The following ABCA13 variants were observed in gnomAD, a reference collection of about 807,000 sequenced individuals.
ABCA13 encodes ATP binding cassette subfamily A member 13.
In ABCA13, 476 loss-of-function variants were observed where a neutral mutation model predicts 478.7. That is an observed-to-expected ratio of 0.99 (90% CI 0.92 to 1.07). The LOEUF is 1.07. Ranked by LOEUF, ABCA13 falls within the 50% of genes least tolerant of loss-of-function variation. ABCA13 has a pLI of 0.00. For missense variants in ABCA13, 6,060 were observed against 5,910.6 expected (o/e 1.03, Z -0.83); for synonymous variants, 2,252 against 2,158.9 (o/e 1.04, Z -1.20).
At chr7:48,321,828 T>C (rs1276177337) in intron 27 of ABCA13, among the ~76,000 whole-genome samples, 2 of 152,132 alleles carry the variant, frequency 1.3e-5, no homozygotes, top group Admixed American at 6.5e-5. Context: ...CCAGGTAAGA[T>C]GTGGGCTGGG....
chr7:48,470,832 A>C (rs1436666959), intron 44 of ABCA13, among the ~76,000 whole-genome samples: 1 of 152,208 alleles, frequency 6.6e-6, no homozygotes, highest in East Asian at 1.9e-4. Context: ...GGTGGTAAAA[A>C]TATCTAGCCG....
intron 55 of ABCA13, among the ~76,000 whole-genome samples, chr7:48,535,471 T>C (rs1197332625): frequency 6.6e-6 from 1 of 152,168 alleles, no homozygotes; most frequent in Non-Finnish European, 1.5e-5. Context: ...GTGTGCTGGT[T>C]TTGCATTGGT....
chr7:48,523,565 T>A (rs1372115453), intron 53 of ABCA13, among the ~76,000 whole-genome samples: 1 of 151,770 alleles, frequency 6.6e-6, no homozygotes, highest in Admixed American at 6.6e-5. Context: ...AATATAATCA[T>A]TAAATATATT....
intron 58 of ABCA13, among the ~76,000 whole-genome samples, chr7:48,597,157 AG>A (rs1790381726): frequency 6.6e-6 from 1 of 151,978 alleles, no homozygotes; most frequent in African/African-American, 2.4e-5. Flanking sequence ...TCACCGTGTT[AG>A]CCAGGATGGT....
chr7:48,637,733 G>T (rs1439791422), intron 59 of ABCA13, among the ~76,000 whole-genome samples: 1 of 152,066 alleles, frequency 6.6e-6, no homozygotes, highest in Non-Finnish European at 1.5e-5. Flanking sequence ...CTTGGCTATT[G>T]TTCCTTACTT....
intron 29 of ABCA13, among the ~76,000 whole-genome samples, chr7:48,343,529 G>C (rs1025525421): frequency 7.2e-5 from 11 of 152,038 alleles, no homozygotes; most frequent in African/African-American, 2.7e-4. Flanking sequence ...CTTTTCTCTT[G>C]CATCTCTGAC....
intron 53 of ABCA13, among the ~76,000 whole-genome samples, chr7:48,520,760 T>C (rs1406847932): frequency 6.6e-6 from 1 of 152,200 alleles, no homozygotes; most frequent in African/African-American, 2.4e-5. Context: ...TGTCCAAGTG[T>C]TCTCATTGTT....
chr7:48,282,073 A>C (rs1424343054), intron 19 of ABCA13, among the ~76,000 whole-genome samples: 1 of 152,156 alleles, frequency 6.6e-6, no homozygotes, highest in Non-Finnish European at 1.5e-5. Flanking sequence ...CTCTTGCTAA[A>C]TTCTGTGTCT....
intron 55 of ABCA13, among the ~76,000 whole-genome samples, chr7:48,534,577 C>G (rs1274109632): frequency 6.6e-6 from 1 of 152,092 alleles, no homozygotes; most frequent in Non-Finnish European, 1.5e-5. Context: ...GGAAGTTTTT[C>G]TTGATTATTC....
intron 41 of ABCA13, among the ~76,000 whole-genome samples, chr7:48,418,745 C>G (rs1402512711): frequency 1.2e-4 from 19 of 152,164 alleles, no homozygotes; most frequent in Admixed American, 1.2e-3. Context: ...ATCCAAAACA[C>G]ATATGCAGTG....
chr7:48,287,896 T>G, intron 19 of ABCA13, 64 bp from the exon 20 acceptor site: 15 of 1,220,462 alleles, frequency 1.2e-5, no homozygotes, highest in South Asian at 2.6e-5. Flanking sequence ...AGTGATTTTG[T>G]GAGAGTGGCT....
chr7:48,282,416 T>C (rs1797173671), intron 19 of ABCA13, among the ~76,000 whole-genome samples: 1 of 152,220 alleles, frequency 6.6e-6, no homozygotes, highest in Non-Finnish European at 1.5e-5. Context: ...AGTGGGCTAC[T>C]GGGCCTGAGT....
At chr7:48,577,253 A>G (rs1788271135) in intron 55 of ABCA13, among the ~76,000 whole-genome samples, 1 of 147,794 alleles carries the variant, frequency 6.8e-6, no homozygotes. Flanking sequence ...ATAAAATTAT[A>G]AAAAGGAAAA....
Position 48,327,882 on chromosome 7 carries a change from G to A in ABCA13, c.10000-7540G>A, listed in dbSNP as rs571148523. Among the ~76,000 whole-genome samples the A allele has an allele frequency of 2.0e-4, 30 of 152,296 alleles. 1 individual carries two copies. Among genetic ancestry groups the A allele is most frequent in the Admixed American group, 1.4e-3 (21 of 15,298 alleles). ...TCACCTTTGGGAGGATGAGAATGAAGTAATACAGTTTAAAGATATTTATTT... is the reference window on the plus strand; with the variant it reads ...TCACCTTTGGGAGGATGAGAATGAAATAATACAGTTTAAAGATATTTATTT... On this transcript the variant is annotated intron_variant, in intron 27 of 61. Coordinates refer to ENST00000435803, the MANE Select transcript of ABCA13 (RefSeq NM_152701.5).
chr7:48,526,724 G>A (rs1341676510), intron 54 of ABCA13, among the ~76,000 whole-genome samples: 4 of 152,066 alleles, frequency 2.6e-5, no homozygotes, highest in African/African-American at 4.8e-5. Flanking sequence ...ACATAGACAA[G>A]GTACAGTTAA....
At chr7:48,424,718 C>T (rs1355248627) in intron 41 of ABCA13, among the ~76,000 whole-genome samples, 1 of 152,182 alleles carries the variant, frequency 6.6e-6, no homozygotes, top group Non-Finnish European at 1.5e-5. Flanking sequence ...GTTAGGGTTA[C>T]CTGAAATACT....
intron 29 of ABCA13, 22 bp downstream of exon 29, chr7:48,338,477 G>A (rs1340806664): frequency 6.4e-7 from 1 of 1,558,182 alleles, no homozygotes; most frequent in Admixed American, 1.9e-5. Context: ...GATGGGCATG[G>A]TAGTGTTCTT....
intron 53 of ABCA13, among the ~76,000 whole-genome samples, chr7:48,523,908 T>G (rs1420259793): frequency 2.0e-5 from 3 of 152,240 alleles, no homozygotes; most frequent in African/African-American, 7.2e-5. Flanking sequence ...ACTTAATAAG[T>G]AAATGCCTTA....
At chr7:48,632,133 CTT>C (rs1794222476) in intron 59 of ABCA13, among the ~76,000 whole-genome samples, 1 of 152,178 alleles carries the variant, frequency 6.6e-6, no homozygotes, top group African/African-American at 2.4e-5. Flanking sequence ...TTTACTTCCT[CTT>C]TTCTGATTTG....
Sources: allele counts gnomAD v4.1 joint callset (sites outside exome capture counted in the v4.1 genomes callset), GRCh38; gene constraint gnomAD v4.1.1; transcripts MANE v1.5; gene names NCBI Gene and HGNC (gene_info 2026-07-23, HGNC 2026-07-21).